Variants in BBS7 observed in about 807,000 individuals in gnomAD.
BBS7 encodes BBSome complex member BBS7.
BBS7 carries 50 observed loss-of-function variants against 90.3 expected under a neutral mutation model. The observed-to-expected ratio is 0.55, with a 90% confidence interval of 0.44 to 0.70. BBS7 has a LOEUF of 0.70. BBS7 is among the 30% of genes least tolerant of loss of function. The pLI is 0.00. For synonymous variants in BBS7, 235 were observed against 287.4 expected (o/e 0.82, Z 1.85); for missense variants, 729 against 838.9 (o/e 0.87, Z 1.62).
chr4:121,866,861 G>A (rs1727306564), intron 2 of BBS7, among the ~76,000 whole-genome samples: 4 of 152,136 alleles, frequency 2.6e-5, no homozygotes. Flanking sequence ...AGATCTGGTA[G>A]TGTAATGCCC....
intron 13 of BBS7, among the ~76,000 whole-genome samples, chr4:121,838,792 G>C (rs929920652): frequency 1.9e-4 from 29 of 151,856 alleles, no homozygotes; most frequent in Admixed American, 1.9e-3. Flanking sequence ...CTACTCAGGA[G>C]GCTGAGGCAG....
intron 8 of BBS7, among the ~76,000 whole-genome samples, chr4:121,849,946 TAAAG>T (rs1200552140): frequency 6.6e-6 from 1 of 152,190 alleles, no homozygotes; most frequent in Non-Finnish European, 1.5e-5. Context: ...GTTTTTTAGA[TAAAG>T]AAAGAATATG....
In BBS7 at chr4:121,828,614, T is replaced by C; in HGVS notation, c.1786+5A>G. The C allele has an allele frequency of 5.7e-6, 9 of 1,578,878 alleles. No individual in the cohort carries two copies. The highest frequency in any genetic ancestry group is 7.0e-6 in the Non-Finnish European group (8 of 1,148,096). On this transcript the variant is annotated splice_donor_5th_base_variant and intron_variant, in intron 16 of 18. Transcript: ENST00000264499. ...CAGAAAGAATTATTAATTTTGTTTG[T>C]TTACCGTATGATATGTTGAGGTTAA...
chr4:121,835,531 C>T (rs1386144100), intron 13 of BBS7, among the ~76,000 whole-genome samples: 2 of 152,066 alleles, frequency 1.3e-5, no homozygotes, highest in East Asian at 3.8e-4. Context: ...TTAACTCATA[C>T]TTTTCATGGC....
At chr4:121,840,916 T>A (rs1725705876) in intron 12 of BBS7, among the ~76,000 whole-genome samples, 1 of 151,710 alleles carries the variant, frequency 6.6e-6, no homozygotes. Flanking sequence ...CAGCTCAATG[T>A]AACCTCTGCC....
intron 6 of BBS7, 21 bp downstream of exon 6, chr4:121,855,468 G>A: frequency 6.2e-7 from 1 of 1,606,242 alleles, no homozygotes; most frequent in Non-Finnish European, 8.5e-7. Context: ...GTTGATTTGT[G>A]AAAAATAAAA....
chr4:121,861,438 G>T, intron 4 of BBS7, 66 bp downstream of exon 4: 3 of 1,422,460 alleles, frequency 2.1e-6, no homozygotes, highest in Non-Finnish European at 1.9e-6. Context: ...ATACTTAGTT[G>T]CCTCACATCT....
chr4:121,861,076 G>C (rs1726948318), intron 4 of BBS7, among the ~76,000 whole-genome samples: 1 of 152,100 alleles, frequency 6.6e-6, no homozygotes, highest in African/African-American at 2.4e-5. Flanking sequence ...CAGCCATTTA[G>C]GGAGCTATAT....
chr4:121,853,034 T>C lies in BBS7; in HGVS notation c.771A>G (p.Leu257=). ...FDIVGDGVKD[L]LVGRDDGMVE... is the part of the protein sequence containing the mutation. ...CCATTCCGTCATCTCTCCCAACAAG[T>C]AAATCTTTAACCCCATCACCCACAA... Residue 257 remains leucine (L), a synonymous_variant, in exon 8 of 19, where the codon TTA becomes TTG. Coordinates refer to ENST00000264499, the MANE Select transcript of BBS7 (RefSeq NM_176824.3). 6.2e-7 allele frequency: 1 copy of C among 1,613,752 alleles called. No individual in the cohort carries two copies. Among genetic ancestry groups the C allele is most frequent in the Non-Finnish European group, 8.5e-7 (1 of 1,179,752 alleles).
chr4:121,829,618 G>C (rs1725082105), intron 15 of BBS7, among the ~76,000 whole-genome samples: 1 of 152,130 alleles, frequency 6.6e-6, no homozygotes, highest in South Asian at 2.1e-4. Flanking sequence ...CAGTTTCAGT[G>C]GCAATGGTCT....
At position 121,870,409 on chromosome 4, in the gene BBS7, G is replaced by A. The variant is rs1030826229; in HGVS notation, c.-96C>T. ...CTCCGACCCAGTCAGAAGGCTGCCCGCGCCCCTCAAAAGCCAGCCCCAGCT... is the reference window on the plus strand; with the variant it reads ...CTCCGACCCAGTCAGAAGGCTGCCCACGCCCCTCAAAAGCCAGCCCCAGCT... On this transcript the variant is annotated 5_prime_UTR_variant, in exon 1 of 19. Coordinates refer to ENST00000264499, the MANE Select transcript of BBS7 (RefSeq NM_176824.3). 2.7e-6 allele frequency: 4 copies of A among 1,467,300 alleles called. No homozygotes were observed. Among genetic ancestry groups the A allele is most frequent in the Middle Eastern group, 1.7e-4 (1 of 5,816 alleles). 90.9% of individuals were successfully genotyped at this position (1,467,300 alleles called of 1,614,324 possible).
chr4:121,849,755 G>A (rs1158943583), intron 8 of BBS7, among the ~76,000 whole-genome samples: 1 of 152,146 alleles, frequency 6.6e-6, no homozygotes, highest in Non-Finnish European at 1.5e-5. Flanking sequence ...ACTTCGACCC[G>A]GAAGGCGGAG....
intron 9 of BBS7, 53 bp from the exon 10 acceptor site, chr4:121,847,559 G>A: frequency 7.9e-7 from 1 of 1,258,164 alleles, no homozygotes; most frequent in African/African-American, 1.5e-5. Flanking sequence ...GTGTTAAAAA[G>A]ATAAATTATG....
intron 15 of BBS7, among the ~76,000 whole-genome samples, chr4:121,832,005 C>CAA (rs977192306): frequency 2.5e-5 from 3 of 121,252 alleles, no homozygotes; most frequent in East Asian, 2.2e-4. Flanking sequence ...GCAAAAAAAA[C>CAA]AAAAACACAC....
In BBS7 at chr4:121,869,839, C is replaced by G. The variant is rs143540648; in HGVS notation, c.36+439G>C. 4.2e-3 allele frequency among the ~76,000 whole-genome samples: 634 copies of G among 152,244 alleles called. 10 individuals carry two copies. Among genetic ancestry groups the G allele is most frequent in the African/African-American group, 0.014 (595 of 41,560 alleles). On this transcript the variant is annotated intron_variant, in intron 1 of 18. Coordinates refer to ENST00000264499, the MANE Select transcript of BBS7 (RefSeq NM_176824.3). Reference sequence around the variant, plus strand: ...CAGGCGTGAGCCACTGCCCCCGGCCCGGTTTTCATTGCTTTTACCATGATC... The same window carrying G: ...CAGGCGTGAGCCACTGCCCCCGGCCGGGTTTTCATTGCTTTTACCATGATC...
rs759886973 is a variant in BBS7 at position 121,853,057 on chromosome 4, C to G, written c.748G>C (p.Val250Leu). 5 of 1,613,610 alleles carry G rather than the reference C, an allele frequency of 3.1e-6. No homozygotes were observed. The highest frequency in any genetic ancestry group is 1.7e-5 in the Admixed American group (1 of 60,014). ...GILCIDSFDI[V>L]GDGVKDLLVG... ...AGTAAATCTTTAACCCCATCACCCA[C>G]AATGTCAAAGCTGTCAATACACAAA... Residue 250 changes from valine (V) to leucine (L), a missense_variant, in exon 8 of 19, where the codon GTG becomes CTG. Val to Leu is a conservative substitution (Grantham distance 32). Transcript: ENST00000264499.
chr4:121,854,270 A>G (rs1726480358), intron 7 of BBS7, among the ~76,000 whole-genome samples: 1 of 152,192 alleles, frequency 6.6e-6, no homozygotes, highest in African/African-American at 2.4e-5. Flanking sequence ...ATACATAGGC[A>G]TCTCACTATC....
intron 12 of BBS7, among the ~76,000 whole-genome samples, chr4:121,843,363 T>C (rs1167427908): frequency 6.6e-6 from 1 of 152,014 alleles, no homozygotes; most frequent in Non-Finnish European, 1.5e-5. Flanking sequence ...CAGAGAAACT[T>C]ATAAAGTAGT....
chr4:121,826,542 A>C (rs1388975125), intron 18 of BBS7, among the ~76,000 whole-genome samples: 1 of 152,230 alleles, frequency 6.6e-6, no homozygotes, highest in Non-Finnish European at 1.5e-5. Flanking sequence ...TGTATTTCAG[A>C]ATTTTTCCTA....
Sources: gnomAD v4.1 joint callset for allele counts (sites outside exome capture counted in the v4.1 genomes callset) on GRCh38, gnomAD v4.1.1 for gene constraint, MANE v1.5 for transcripts, NCBI Gene and HGNC (gene_info 2026-07-23, HGNC 2026-07-21) for gene names.